Variants in CRISPLD1 observed in about 807,000 individuals in gnomAD.
CRISPLD1 encodes the protein cysteine rich secretory protein LCCL domain containing 1.
A neutral mutation model predicts 77.5 loss-of-function variants in CRISPLD1; 60 were observed. The ratio of observed to expected loss-of-function variants is 0.77; its 90% CI spans 0.63 to 0.96. The LOEUF (loss-of-function observed/expected upper bound fraction) is 0.96. Among genes scored for constraint, CRISPLD1 ranks in the 40% least tolerant of loss-of-function variants. The pLI is 0.00. For synonymous variants in CRISPLD1, 195 were observed against 200.1 expected (o/e 0.97, Z 0.22); for missense variants, 623 against 615.8 (o/e 1.01, Z -0.12).
intron 13 of CRISPLD1, 52 bp downstream of exon 13, chr8:75,025,673 T>C (rs1563403263): frequency 2.1e-6 from 2 of 936,162 alleles, no homozygotes; most frequent in South Asian, 2.8e-5. Context: ...TATATAAATG[T>C]ATAGACACAT....
At position 75,002,564 on chromosome 8, in the gene CRISPLD1, G is replaced by T. The variant is rs1812763528; in HGVS notation, c.259-9869G>T. 2.0e-5 allele frequency among the ~76,000 whole-genome samples: 3 copies of T among 152,044 alleles called. No individual in the cohort carries two copies. In the South Asian group the frequency reaches 6.3e-4, roughly 32 times the overall value. On this transcript the variant is annotated intron_variant, in intron 2 of 14. Coordinates refer to ENST00000262207, the MANE Select transcript of CRISPLD1 (RefSeq NM_031461.6). The stretch of plus-strand genomic sequence containing the variant: ...GCAGGATTAAGGCAAGCCATGGGGT[G>T]TGGCAGGGTGCCCAGGCTTTTGTGG...
At chr8:75,009,692 A>G (rs946626419) in intron 2 of CRISPLD1, among the ~76,000 whole-genome samples, 1 of 152,082 alleles carries the variant, frequency 6.6e-6, no homozygotes, top group Non-Finnish European at 1.5e-5. Context: ...TCCCCTAAGG[A>G]CAACCTATGT....
intron 2 of CRISPLD1, chr8:75,000,038 C>A: frequency 1.8e-6 from 1 of 569,390 alleles, no homozygotes; most frequent in Non-Finnish European, 2.2e-6. Context: ...TGGAAGGCAG[C>A]AACTAGATAC....
At chr8:75,004,338 C>T (rs937106347) in intron 2 of CRISPLD1, among the ~76,000 whole-genome samples, 3 of 152,208 alleles carry the variant, frequency 2.0e-5, no homozygotes, top group Non-Finnish European at 4.4e-5. Context: ...TGCAATACAG[C>T]TGCTTGCCAT....
intron 2 of CRISPLD1, chr8:75,000,443 T>C: frequency 1.0e-6 from 1 of 984,146 alleles, no homozygotes; most frequent in Non-Finnish European, 1.2e-6. Context: ...AAAGCAGTGC[T>C]ATCTCACATG....
At chr8:75,030,790 ATG>A (rs1361745445) in intron 14 of CRISPLD1, among the ~76,000 whole-genome samples, 3 of 149,420 alleles carry the variant, frequency 2.0e-5, no homozygotes, top group Admixed American at 1.3e-4. Context: ...GACTGTATAT[ATG>A]TGTGAGTATG....
chr8:75,017,831 T>C (rs1587022757), intron 10 of CRISPLD1, among the ~76,000 whole-genome samples: 2 of 152,312 alleles, frequency 1.3e-5, no homozygotes, highest in Admixed American at 6.5e-5. Flanking sequence ...ACAGTAACTT[T>C]GTTGATAAGA....
Position 75,016,470 on chromosome 8 carries a change from A to G in CRISPLD1, c.728-95A>G, listed in dbSNP as rs1462343896. ...AACAGTACTGATTTTTCTAGTTCTA[A>G]ATGTTAAATAGGAGTATTAAAGTAT... On this transcript the variant is annotated intron_variant, in intron 6 of 14. Transcript: ENST00000262207. The G allele has an allele frequency of 3.3e-6, 4 of 1,230,358 alleles. No homozygotes were observed. The East Asian group carries it at 7.4e-5, about 23-fold the overall frequency. 76.2% of individuals were successfully genotyped at this position (1,230,358 alleles called of 1,614,324 possible). A position where few individuals can be genotyped will look rare whatever the true frequency, so the allele number is the denominator to read the frequency against.
chr8:75,031,938 GACT>G (rs1385964235), intron 14 of CRISPLD1, among the ~76,000 whole-genome samples: 5 of 151,890 alleles, frequency 3.3e-5, no homozygotes, highest in Non-Finnish European at 5.9e-5. Context: ...GTTCTGTGGA[GACT>G]ACTATTATTA....
In CRISPLD1 at chr8:75,032,414, T is replaced by C. The variant is rs1463993311; in HGVS notation, c.*172T>C. On this transcript the variant is annotated 3_prime_UTR_variant, in exon 15 of 15. Transcript: ENST00000262207. Reference sequence around the variant, plus strand: ...AGTCTATAAAATAAAACATGGGACATTAGCTTTGGGAAAAGTAATGAAAAT... The same window carrying C: ...AGTCTATAAAATAAAACATGGGACACTAGCTTTGGGAAAAGTAATGAAAAT... The C allele has an allele frequency of 4.6e-6, 2 of 435,658 alleles. No individual in the cohort carries two copies. The highest frequency in any genetic ancestry group is 2.0e-5 in the African/African-American group (1 of 49,002). The allele number at this position is 435,658 out of a possible 1,614,324, so 27.0% of individuals were successfully genotyped here. A position where few individuals can be genotyped will look rare whatever the true frequency, so the allele number is the denominator to read the frequency against.
intron 2 of CRISPLD1, among the ~76,000 whole-genome samples, chr8:74,990,985 A>G (rs1343716670): frequency 6.6e-6 from 1 of 150,960 alleles, no homozygotes; most frequent in Non-Finnish European, 1.5e-5. Flanking sequence ...CTAGCAGACT[A>G]TACCAATCCT....
At chr8:75,004,663 G>A (rs188919942) in intron 2 of CRISPLD1, among the ~76,000 whole-genome samples, 2 of 152,172 alleles carry the variant, frequency 1.3e-5, no homozygotes, top group Admixed American at 1.3e-4. Flanking sequence ...GATTTGGGGA[G>A]GGATCGAAAT....
At chr8:74,992,768 C>T (rs1406591418) in intron 2 of CRISPLD1, among the ~76,000 whole-genome samples, 2 of 152,272 alleles carry the variant, frequency 1.3e-5, no homozygotes, top group East Asian at 1.9e-4. Context: ...CCTCTCCTTT[C>T]GCTAGGCAAC....
At chr8:75,014,301 A>G (rs1489071127) in intron 5 of CRISPLD1, among the ~76,000 whole-genome samples, 199 bp downstream of exon 5, 1 of 152,146 alleles carries the variant, frequency 6.6e-6, no homozygotes, top group East Asian at 1.9e-4. Context: ...ATATGAAAGT[A>G]TAATCTTTGT....
chr8:75,012,322 G>A (rs1812945674), intron 2 of CRISPLD1, 111 bp from the exon 3 acceptor site: 3 of 713,696 alleles, frequency 4.2e-6, no homozygotes, highest in African/African-American at 1.8e-5. Flanking sequence ...AGACTATGAT[G>A]TTGACTTTGT....
chr8:75,016,922 A>G lies in CRISPLD1; in HGVS notation c.910A>G (p.Lys304Glu). 6.4e-7 allele frequency: 1 copy of G among 1,569,378 alleles called. No homozygotes were observed. Among genetic ancestry groups the G allele is most frequent in the Non-Finnish European group, 8.7e-7 (1 of 1,155,496 alleles). ...TGAAGTAAGATTAAGAGATCAGTGCAAAGGAACAACCTGCAATAGGTAATA... is the reference window on the plus strand; with the variant it reads ...TGAAGTAAGATTAAGAGATCAGTGCGAAGGAACAACCTGCAATAGGTAATA... ...SCEVRLRDQC[K>E]GTTCNRYECP... The change falls in exon 8 of 15, where the codon AAA (lysine) becomes GAA (glutamate). Residue 304 changes from lysine to glutamate, a missense_variant. Physicochemically the swap from Lys to Glu is moderately conservative, Grantham distance 56. Coordinates refer to ENST00000262207, the MANE Select transcript of CRISPLD1 (RefSeq NM_031461.6).
At position 75,027,852 on chromosome 8, in the gene CRISPLD1, TA is replaced by T. The variant is rs549248414; in HGVS notation, c.1321-1528del. 5.9e-4 allele frequency among the ~76,000 whole-genome samples: 90 copies of T among 152,264 alleles called. 1 individual carries two copies. Among genetic ancestry groups the T allele is most frequent in the African/African-American group, 2.0e-3 (85 of 41,552 alleles). Reference sequence around the variant, plus strand: ...GTTTATTATATATTTCTGCATTCATTAAAAAAATTCTATTTTTACAGATAAT... The same window carrying T: ...GTTTATTATATATTTCTGCATTCATTAAAAAATTCTATTTTTACAGATAAT... On this transcript the variant is annotated intron_variant, in intron 13 of 14. Coordinates refer to ENST00000262207, the MANE Select transcript of CRISPLD1 (RefSeq NM_031461.6).
intron 9 of CRISPLD1, 31 bp downstream of exon 9, chr8:75,017,144 T>TA: frequency 6.4e-7 from 1 of 1,569,296 alleles, no homozygotes; most frequent in East Asian, 2.2e-5. Context: ...TATTTGAGGA[T>TA]AGAGTCATTC....
chr8:75,011,951 G>C (rs1482998357), intron 2 of CRISPLD1, among the ~76,000 whole-genome samples: 2 of 152,162 alleles, frequency 1.3e-5, no homozygotes, highest in Non-Finnish European at 2.9e-5. Context: ...ACATCTAAGA[G>C]AATTGATACG....
Sources: gnomAD v4.1 joint callset for allele counts (sites outside exome capture counted in the v4.1 genomes callset) on GRCh38, gnomAD v4.1.1 for gene constraint, MANE v1.5 for transcripts, NCBI Gene and HGNC (gene_info 2026-07-23, HGNC 2026-07-21) for gene names.